The following SLC2A13 variants were observed in gnomAD, a reference collection of about 807,000 sequenced individuals.
The protein encoded by SLC2A13 is solute carrier family 2 member 13, also known as proton myo-inositol cotransporter.
A neutral mutation model predicts 64.4 loss-of-function variants in SLC2A13; 32 were observed. The observed-to-expected ratio is 0.50, with a 90% confidence interval of 0.37 to 0.67. The LOEUF (loss-of-function observed/expected upper bound fraction) is 0.67. SLC2A13 is among the 30% of genes least tolerant of loss of function. The pLI, the probability that SLC2A13 is intolerant of heterozygous loss-of-function variation, is 0.00. For missense variants in SLC2A13, 743 were observed against 829.2 expected, an observed-to-expected ratio of 0.90 and a Z score of 1.28; for synonymous variants, 338 against 327.1, an observed-to-expected ratio of 1.03 and a Z score of -0.36.
intron 1 of SLC2A13, among the ~76,000 whole-genome samples, chr12:40,084,661 T>A (rs1592070795): frequency 6.6e-6 from 1 of 152,334 alleles, no homozygotes; most frequent in East Asian, 1.9e-4. Flanking sequence ...TTTTTTTAAA[T>A]GAATTCATGT....
intron 4 of SLC2A13, among the ~76,000 whole-genome samples, chr12:39,924,625 C>T (rs758097526): frequency 6.6e-6 from 1 of 151,508 alleles, no homozygotes; most frequent in Non-Finnish European, 1.5e-5. Flanking sequence ...ATCATTGTAT[C>T]GTTAGTATAG....
intron 2 of SLC2A13, among the ~76,000 whole-genome samples, chr12:40,028,974 T>A (rs1947865738): frequency 6.6e-6 from 1 of 152,196 alleles, no homozygotes; most frequent in Non-Finnish European, 1.5e-5. Flanking sequence ...GACTTGTGAA[T>A]CATTAGTTAT....
At chr12:39,865,171 G>A (rs569801025) in intron 5 of SLC2A13, among the ~76,000 whole-genome samples, 7 of 152,218 alleles carry the variant, frequency 4.6e-5, no homozygotes, top group South Asian at 2.1e-4. Context: ...AAGAAACCAC[G>A]CACACCTAGT....
chr12:39,982,860 G>A (rs377072197), intron 3 of SLC2A13, among the ~76,000 whole-genome samples: 6 of 125,464 alleles, frequency 4.8e-5, no homozygotes, highest in Non-Finnish European at 8.9e-5. Flanking sequence ...AAAAGAGCCC[G>A]CATTGCCAAG....
At chr12:40,082,037 G>C (rs1938422488) in intron 1 of SLC2A13, among the ~76,000 whole-genome samples, 1 of 152,142 alleles carries the variant, frequency 6.6e-6, no homozygotes, top group Non-Finnish European at 1.5e-5. Context: ...GCCCCTTGAG[G>C]TTAAGCTCCT....
chr12:40,035,400 C>A (rs1289484194), intron 2 of SLC2A13, among the ~76,000 whole-genome samples: 1 of 152,148 alleles, frequency 6.6e-6, no homozygotes, highest in Non-Finnish European at 1.5e-5. Flanking sequence ...AATTTTAGTT[C>A]ATGCTTCACA....
At chr12:40,078,792 T>C (rs1399174891) in intron 1 of SLC2A13, among the ~76,000 whole-genome samples, 1 of 152,214 alleles carries the variant, frequency 6.6e-6, no homozygotes, top group Non-Finnish European at 1.5e-5. Context: ...GGTTTTTTAT[T>C]ACTGATTCAA....
At chr12:39,838,312 AG>A (rs1005246841) in intron 6 of SLC2A13, among the ~76,000 whole-genome samples, 1 of 132,512 alleles carries the variant, frequency 7.5e-6, no homozygotes, top group Admixed American at 8.5e-5. Flanking sequence ...GGACACAGGA[AG>A]GGGAATATCA....
intron 3 of SLC2A13, among the ~76,000 whole-genome samples, chr12:39,991,277 A>C (rs1947134199): frequency 1.3e-5 from 2 of 152,178 alleles, no homozygotes; most frequent in South Asian, 4.2e-4. Flanking sequence ...ATCTGGGTTA[A>C]AGCTTTTTCC....
chr12:39,787,733 G>A (rs1247299103), intron 7 of SLC2A13, among the ~76,000 whole-genome samples: 1 of 152,124 alleles, frequency 6.6e-6, no homozygotes, highest in African/African-American at 2.4e-5. Flanking sequence ...GACAAGATAA[G>A]GTGTCTGTTA....
chr12:40,080,793 G>A (rs1186160465), intron 1 of SLC2A13, among the ~76,000 whole-genome samples: 2 of 152,212 alleles, frequency 1.3e-5, no homozygotes, highest in African/African-American at 2.4e-5. Context: ...TTGCTCTATA[G>A]TGTCAGTGGG....
chr12:40,043,121 T>C (rs1157061863), intron 2 of SLC2A13, among the ~76,000 whole-genome samples: 1 of 152,140 alleles, frequency 6.6e-6, no homozygotes, highest in African/African-American at 2.4e-5. Flanking sequence ...ATTTAATTTT[T>C]TTTTCCCTGT....
chr12:40,096,380 T>C (rs1182270021), intron 1 of SLC2A13, among the ~76,000 whole-genome samples: 1 of 152,116 alleles, frequency 6.6e-6, no homozygotes, highest in East Asian at 1.9e-4. Flanking sequence ...AATTTGAGGA[T>C]AAATATATTT....
At chr12:39,897,555 GT>G (rs1944959965) in intron 4 of SLC2A13, among the ~76,000 whole-genome samples, 1 of 152,164 alleles carries the variant, frequency 6.6e-6, no homozygotes, top group African/African-American at 2.4e-5. Context: ...GGATGGAAAT[GT>G]TTTTTATCTG....
At chr12:39,780,836 A>G (rs1322691783) in intron 7 of SLC2A13, among the ~76,000 whole-genome samples, 1 of 152,204 alleles carries the variant, frequency 6.6e-6, no homozygotes, top group East Asian at 1.9e-4. Flanking sequence ...TAAGGAACTA[A>G]AAGAAATTTT....
chr12:39,788,093 T>C (rs919442988), intron 7 of SLC2A13, among the ~76,000 whole-genome samples: 1 of 152,148 alleles, frequency 6.6e-6, no homozygotes, highest in Non-Finnish European at 1.5e-5. Context: ...ACAAAAATTA[T>C]TTTACCTCTA....
intron 3 of SLC2A13, among the ~76,000 whole-genome samples, chr12:40,002,588 C>T (rs1947337778): frequency 6.6e-6 from 1 of 152,152 alleles, no homozygotes; most frequent in Non-Finnish European, 1.5e-5. Flanking sequence ...AAATGATCTT[C>T]AATTCAAATT....
intron 7 of SLC2A13, among the ~76,000 whole-genome samples, chr12:39,785,926 C>G (rs1476962835): frequency 6.6e-6 from 1 of 152,152 alleles, no homozygotes; most frequent in Admixed American, 6.5e-5. Context: ...ATACCTGTAT[C>G]CTCATTGTAT....
At chr12:39,802,698 T>C (rs924105125) in intron 7 of SLC2A13, among the ~76,000 whole-genome samples, 3 of 152,088 alleles carry the variant, frequency 2.0e-5, no homozygotes, top group African/African-American at 7.2e-5. Context: ...TATACACACA[T>C]AGTTACATGT....
Sources: gnomAD v4.1 joint callset for allele counts (sites outside exome capture counted in the v4.1 genomes callset) on GRCh38, gnomAD v4.1.1 for gene constraint, MANE v1.5 for transcripts, NCBI Gene and HGNC (gene_info 2026-07-23, HGNC 2026-07-21) for gene names.